The following WWOX variants were observed in gnomAD, a reference collection of about 807,000 sequenced individuals.
The protein encoded by WWOX is WW domain containing oxidoreductase, also known as WW domain-containing oxidoreductase.
Under a neutral mutation model 46.2 loss-of-function variants are expected in WWOX, and 69 were observed. The ratio of observed to expected loss-of-function variants is 1.49; its 90% CI spans 1.23 to 1.82. The LOEUF is 1.82. Ranked by LOEUF, WWOX falls within the 40% of genes most tolerant of loss-of-function variation. The pLI is 0.00. For missense variants in WWOX, 919 were observed against 542.6 expected, an observed-to-expected ratio of 1.69 and a Z score of -6.89; for synonymous variants, 359 against 202.6, an observed-to-expected ratio of 1.77 and a Z score of -6.56.
intron 8 of WWOX, among the ~76,000 whole-genome samples, chr16:78,884,808 TTACTC>T (rs1382491816): frequency 6.6e-6 from 1 of 152,196 alleles, no homozygotes; most frequent in Admixed American, 6.5e-5. Flanking sequence ...CATGTATATT[TTACTC>T]TAACAAAAAG....
At chr16:78,707,363 A>G (rs1459088556) in intron 8 of WWOX, among the ~76,000 whole-genome samples, 1 of 152,118 alleles carries the variant, frequency 6.6e-6, no homozygotes, top group Non-Finnish European at 1.5e-5. Context: ...GGTATAAGAC[A>G]TTGGCCATGC....
At chr16:78,407,512 C>T (rs370031391) in intron 6 of WWOX, among the ~76,000 whole-genome samples, 2 of 152,166 alleles carry the variant, frequency 1.3e-5, no homozygotes. Context: ...ATTTCACTTA[C>T]AAATCTTCTG....
chr16:79,121,249 G>T (rs1216741187), intron 8 of WWOX, among the ~76,000 whole-genome samples: 1 of 152,152 alleles, frequency 6.6e-6, no homozygotes, highest in African/African-American at 2.4e-5. Flanking sequence ...GCACTTTTCT[G>T]CCTACCACAG....
intron 5 of WWOX, among the ~76,000 whole-genome samples, chr16:78,221,636 A>G (rs750090568): frequency 4.6e-5 from 7 of 152,214 alleles, no homozygotes; most frequent in Non-Finnish European, 7.3e-5. Context: ...CCTTCCTCAT[A>G]TTTTGGTATC....
rs1055981966 is a variant in WWOX at position 78,161,909 on chromosome 16, C to G, written c.410-2274C>G. The stretch of plus-strand genomic sequence containing the variant: ...AGGATACTTTGCTTCCATTACTCAC[C>G]TCCTAGGTTAAGCATTGTTATTATT... On this transcript the variant is annotated intron_variant, in intron 4 of 8. Transcript: ENST00000566780. 1.1e-4 allele frequency among the ~76,000 whole-genome samples: 16 copies of G among 152,238 alleles called. No individual in the cohort carries two copies. In the South Asian group the frequency reaches 3.3e-3, roughly 32 times the overall value.
At chr16:78,717,903 C>T (rs941171309) in intron 8 of WWOX, among the ~76,000 whole-genome samples, 21 of 152,128 alleles carry the variant, frequency 1.4e-4, no homozygotes, top group African/African-American at 4.8e-4. Flanking sequence ...AACCTATTCA[C>T]GACATAGTGG....
intron 8 of WWOX, among the ~76,000 whole-genome samples, chr16:79,180,174 G>A (rs895847141): frequency 6.6e-6 from 1 of 152,194 alleles, no homozygotes; most frequent in African/African-American, 2.4e-5. Context: ...AACGACGCTG[G>A]TGCCTAACTT....
chr16:78,412,624 C>T (rs1051579925), intron 6 of WWOX, among the ~76,000 whole-genome samples: 1 of 152,114 alleles, frequency 6.6e-6, no homozygotes, highest in African/African-American at 2.4e-5. Context: ...GAAGCCAAGA[C>T]AGGAAAGTGA....
chr16:78,913,346 A>T (rs117881098), intron 8 of WWOX, among the ~76,000 whole-genome samples: 6 of 152,090 alleles, frequency 3.9e-5, no homozygotes, highest in Non-Finnish European at 7.4e-5. Flanking sequence ...TGTTAGGTGC[A>T]GCCATGTGCC....
At chr16:79,200,763 G>A (rs1475556821) in intron 8 of WWOX, among the ~76,000 whole-genome samples, 1 of 152,142 alleles carries the variant, frequency 6.6e-6, no homozygotes. Context: ...AATGGTGAAA[G>A]GACTGGCAAG....
intron 8 of WWOX, among the ~76,000 whole-genome samples, chr16:79,049,810 G>A (rs966296593): frequency 2.7e-5 from 4 of 150,248 alleles, no homozygotes; most frequent in Non-Finnish European, 5.9e-5. Flanking sequence ...ACACCAGCCT[G>A]GCCGACAGAG....
At chr16:78,684,653 G>C (rs1026376791) in intron 8 of WWOX, among the ~76,000 whole-genome samples, 8 of 152,172 alleles carry the variant, frequency 5.3e-5, no homozygotes, top group African/African-American at 1.9e-4. Context: ...AAAGGACTCT[G>C]CCCTCATGGA....
chr16:79,133,178 T>G (rs1043317411), intron 8 of WWOX, among the ~76,000 whole-genome samples: 5 of 152,264 alleles, frequency 3.3e-5, no homozygotes, highest in African/African-American at 1.2e-4. Context: ...ACTTTATTTA[T>G]GTAATTAAGC....
rs141335572 is a variant in WWOX, at chr16:78,774,673, G to A, written c.1056+341921G>A. On this transcript the variant is annotated intron_variant, in intron 8 of 8. Coordinates refer to ENST00000566780, the MANE Select transcript of WWOX (RefSeq NM_016373.4). ...CCAGGCTCCGGGCAGTTCCTTGAAAGACTCATTGTCTGTGTGGGGGGAGGG... is the reference window on the plus strand; with the variant it reads ...CCAGGCTCCGGGCAGTTCCTTGAAAAACTCATTGTCTGTGTGGGGGGAGGG... Among the ~76,000 whole-genome samples, 316 of 152,056 alleles carry A rather than the reference G, an allele frequency of 2.1e-3. 1 individual carries two copies. The highest frequency in any genetic ancestry group is 3.4e-3 in the Non-Finnish European group (233 of 68,000).
chr16:78,904,162 G>C (rs1326731465), intron 8 of WWOX, among the ~76,000 whole-genome samples: 2 of 148,402 alleles, frequency 1.3e-5, no homozygotes, highest in East Asian at 2.1e-4. Context: ...AACTGTTAGA[G>C]TTTTTCTTTA....
At chr16:78,898,062 C>G (rs563283514) in intron 8 of WWOX, 3 of 147,204 alleles carry the variant, frequency 2.0e-5, no homozygotes, top group African/African-American at 4.9e-5. Flanking sequence ...TGGATACATT[C>G]TTTTTTTTTC....
intron 8 of WWOX, among the ~76,000 whole-genome samples, chr16:79,051,405 C>T (rs563933341): frequency 6.6e-6 from 1 of 152,298 alleles, no homozygotes; most frequent in East Asian, 1.9e-4. Flanking sequence ...AGTGGTAATT[C>T]AGGAACCCAG....
chr16:78,446,409 G>A (rs2083561827), intron 8 of WWOX, among the ~76,000 whole-genome samples: 1 of 152,138 alleles, frequency 6.6e-6, no homozygotes, highest in Non-Finnish European at 1.5e-5. Context: ...GACACGAGAT[G>A]TTGCCTGCCT....
At chr16:78,622,362 G>A (rs1021039540) in intron 8 of WWOX, among the ~76,000 whole-genome samples, 14 of 151,942 alleles carry the variant, frequency 9.2e-5, no homozygotes, top group Non-Finnish European at 1.3e-4. Flanking sequence ...GGCCAACATG[G>A]TAAAACCCCA....
Sources: gnomAD v4.1 joint callset for allele counts (sites outside exome capture counted in the v4.1 genomes callset) on GRCh38, gnomAD v4.1.1 for gene constraint, MANE v1.5 for transcripts, NCBI Gene and HGNC (gene_info 2026-07-23, HGNC 2026-07-21) for gene names.